Variants in ASAP2 observed in about 807,000 individuals in gnomAD.
ASAP2 encodes the protein arf-GAP with SH3 domain, ANK repeat and PH domain-containing protein 2.
In ASAP2, 45 loss-of-function variants were observed where a neutral mutation model predicts 131.4. The ratio of observed to expected loss-of-function variants is 0.34; its 90% CI spans 0.27 to 0.44. The LOEUF (loss-of-function observed/expected upper bound fraction) is 0.44, where lower values mean the gene tolerates loss of function less well. ASAP2 is among the 20% of genes least tolerant of loss of function. ASAP2 has a pLI of 1.00. For synonymous variants in ASAP2, 510 were observed against 503.0 expected, an observed-to-expected ratio of 1.01 and a Z score of -0.19; for missense variants, 1,011 against 1,297.0, an observed-to-expected ratio of 0.78 and a Z score of 3.39.
intron 1 of ASAP2, among the ~76,000 whole-genome samples, chr2:9,253,227 G>T (rs1290180787): frequency 1.3e-5 from 2 of 151,954 alleles, no homozygotes; most frequent in South Asian, 4.1e-4. Flanking sequence ...GCAATGGCGC[G>T]ATATTGGCTC....
At chr2:9,210,485 G>C (rs962457269) in intron 1 of ASAP2, among the ~76,000 whole-genome samples, 3 of 152,152 alleles carry the variant, frequency 2.0e-5, no homozygotes, top group African/African-American at 7.2e-5. Context: ...TTACATGGGG[G>C]GAAGTGTCAG....
At chr2:9,243,846 A>G (rs554420009) in intron 1 of ASAP2, among the ~76,000 whole-genome samples, 1 of 152,314 alleles carries the variant, frequency 6.6e-6, no homozygotes, top group East Asian at 1.9e-4. Flanking sequence ...GGACCGATAT[A>G]AGTAATTAGG....
At chr2:9,378,763 C>T (rs1319834214) in intron 18 of ASAP2, among the ~76,000 whole-genome samples, 181 bp from the exon 19 acceptor site, 1 of 152,238 alleles carries the variant, frequency 6.6e-6, no homozygotes, top group Non-Finnish European at 1.5e-5. Context: ...GCTAAGGCTT[C>T]CCCAGCCATG....
rs1339994152 is a variant in ASAP2 at position 9,279,466 on chromosome 2, A to G, written c.199+77A>G. Reference sequence around the variant, plus strand: ...AAGTCCTGGTACCGTAATATTGATGACCATTAACAAATGAGCCAGCTAGAC... The same window carrying G: ...AAGTCCTGGTACCGTAATATTGATGGCCATTAACAAATGAGCCAGCTAGAC... On this transcript the variant is annotated intron_variant, in intron 2 of 27. Transcript: ENST00000281419. 23 of 1,375,276 alleles carry G rather than the reference A, an allele frequency of 1.7e-5. No homozygotes were observed. The Admixed American group carries it at 3.4e-4, about 20-fold the overall frequency. 85.2% of individuals were successfully genotyped at this position (1,375,276 alleles called of 1,614,324 possible). A position where few individuals can be genotyped will look rare whatever the true frequency, so the allele number is the denominator to read the frequency against.
At position 9,311,533 on chromosome 2, in the gene ASAP2, AAGGAAAATATTCTGGTTGGGTTACCC is replaced by A. The variant is rs1249971304; in HGVS notation, c.346-6987_346-6962del. Among the ~76,000 whole-genome samples the A allele has an allele frequency of 5.3e-5, 8 of 152,224 alleles. No homozygotes were observed. The highest frequency in any genetic ancestry group is 1.9e-4 in the African/African-American group (8 of 41,450). ...GAAAGCCCTATGCTTTCTTGGTGCT[AAGGAAAATATTCTGGTTGGGTTACCC>A]AGGGATAATGTAATTCTTCCCATAG... On this transcript the variant is annotated intron_variant, in intron 3 of 27. Transcript: ENST00000281419. This position sits in a 1 kb window ranked among gnomAD's most constrained non-coding sequence, Gnocchi z 5.2.
intron 1 of ASAP2, among the ~76,000 whole-genome samples, chr2:9,227,677 T>C (rs998574531): frequency 6.6e-6 from 1 of 152,210 alleles, no homozygotes; most frequent in Non-Finnish European, 1.5e-5. Context: ...GATCTTTCTG[T>C]AACCCAGAAC....
intron 22 of ASAP2, 52 bp downstream of exon 22, chr2:9,388,598 G>A: frequency 6.4e-7 from 1 of 1,562,224 alleles, no homozygotes; most frequent in Non-Finnish European, 8.6e-7. Flanking sequence ...TTGTTTTGTG[G>A]TTTGGGAAGT....
At chr2:9,229,881 G>A (rs774589943) in intron 1 of ASAP2, among the ~76,000 whole-genome samples, 4 of 152,136 alleles carry the variant, frequency 2.6e-5, no homozygotes, top group African/African-American at 4.8e-5. Flanking sequence ...AGGCTGTTGG[G>A]GGCATTTGTG....
intron 8 of ASAP2, 64 bp downstream of exon 8, chr2:9,334,877 A>G (rs1450324069): frequency 1.3e-6 from 2 of 1,535,402 alleles, no homozygotes; most frequent in Admixed American, 1.7e-5. Flanking sequence ...TTTCATCTAA[A>G]TGTCACTTCT....
In ASAP2 at chr2:9,268,518, G is replaced by A. The variant is rs903450195; in HGVS notation, c.127-10799G>A. On this transcript the variant is annotated intron_variant, in intron 1 of 27. Coordinates refer to ENST00000281419, the MANE Select transcript of ASAP2 (RefSeq NM_003887.3). This position sits in a 1 kb window ranked among gnomAD's most constrained non-coding sequence, Gnocchi z 4.1. Reference sequence around the variant, plus strand: ...GTTCGTTATTGCTCTGGCTTTAAACGGAGCCCACAGGTCACAGTGCAAGTC... The same window carrying A: ...GTTCGTTATTGCTCTGGCTTTAAACAGAGCCCACAGGTCACAGTGCAAGTC... Among the ~76,000 whole-genome samples, 4 of 152,100 alleles carry A rather than the reference G, an allele frequency of 2.6e-5. No individual in the cohort carries two copies. Among genetic ancestry groups the A allele is most frequent in the Admixed American group, 6.5e-5 (1 of 15,278 alleles).
At chr2:9,327,525 A>G (rs1670556999) in intron 6 of ASAP2, among the ~76,000 whole-genome samples, 1 of 152,164 alleles carries the variant, frequency 6.6e-6, no homozygotes. Context: ...CATTTATTTG[A>G]ACCATCCATA....
At chr2:9,328,222 C>T (rs973559350) in intron 7 of ASAP2, among the ~76,000 whole-genome samples, 5 of 151,996 alleles carry the variant, frequency 3.3e-5, no homozygotes, top group Non-Finnish European at 5.9e-5. Flanking sequence ...TGGCTGCTAA[C>T]GGGTATAGGG....
At chr2:9,381,228 C>A (rs533315345) in intron 20 of ASAP2, among the ~76,000 whole-genome samples, 1 of 152,334 alleles carries the variant, frequency 6.6e-6, no homozygotes, top group African/African-American at 2.4e-5. Context: ...ACCATCTTTT[C>A]CTGTTCTGGA....
intron 1 of ASAP2, among the ~76,000 whole-genome samples, chr2:9,255,310 T>G (rs145338512): frequency 9.7e-4 from 148 of 152,336 alleles, no homozygotes; most frequent in African/African-American, 3.5e-3. Flanking sequence ...GAAGGGCTGT[T>G]CAGGAGAAAT....
chr2:9,288,370 A>G (rs1667598930), intron 2 of ASAP2, among the ~76,000 whole-genome samples: 1 of 152,184 alleles, frequency 6.6e-6, no homozygotes, highest in African/African-American at 2.4e-5. Flanking sequence ...TTTAGAGACC[A>G]TGTACTTTCC....
intron 1 of ASAP2, chr2:9,271,254 C>G (rs901248794): frequency 5.6e-6 from 4 of 709,380 alleles, no homozygotes; most frequent in Non-Finnish European, 7.7e-6. Context: ...GCAAGGAAAT[C>G]CTCACTTAAA....
chr2:9,218,790 C>CATTTTTGGCTGTCGTCTCTG (rs1662226153), intron 1 of ASAP2, among the ~76,000 whole-genome samples: 1 of 152,142 alleles, frequency 6.6e-6, no homozygotes, highest in East Asian at 1.9e-4. Context: ...GCCACCCTTG[C>CATTTTTGGCTGTCGTCTCTG]TTTTTTTGGC....
chr2:9,209,399 A>C lies in ASAP2; in HGVS notation c.126+2169A>C, dbSNP rs146762742. 4.9e-3 allele frequency among the ~76,000 whole-genome samples: 746 copies of C among 152,328 alleles called. 5 individuals are homozygous for C. The highest frequency in any genetic ancestry group is 0.017 in the African/African-American group (700 of 41,558). On this transcript the variant is annotated intron_variant, in intron 1 of 27. Coordinates refer to ENST00000281419, the MANE Select transcript of ASAP2 (RefSeq NM_003887.3). ...AAACTTGTTCTATGTATGGTTTAATAACAATTGATGTGTACAGTATTTTGG... is the reference window on the plus strand; with the variant it reads ...AAACTTGTTCTATGTATGGTTTAATCACAATTGATGTGTACAGTATTTTGG...
At chr2:9,328,698 C>T (rs1223740428) in intron 7 of ASAP2, among the ~76,000 whole-genome samples, 1 of 152,224 alleles carries the variant, frequency 6.6e-6, no homozygotes, top group Middle Eastern at 3.4e-3. Context: ...TTCTGCTCCT[C>T]GACCCCCAGT....
Sources: allele counts gnomAD v4.1 joint callset (sites outside exome capture counted in the v4.1 genomes callset), GRCh38; gene constraint gnomAD v4.1.1; non-coding constraint Gnocchi (gnomAD v3.1); transcripts MANE v1.5; gene names NCBI Gene and HGNC (gene_info 2026-07-23, HGNC 2026-07-21).